Variants in CREBBP observed in about 807,000 individuals in gnomAD.
The protein encoded by CREBBP is CREB-binding protein.
In CREBBP, 19 loss-of-function variants were observed where a neutral mutation model predicts 265.0. The observed-to-expected ratio is 0.07, with a 90% CI of 0.05 to 0.11. The LOEUF is 0.11. Among genes scored for constraint, CREBBP ranks in the 10% least tolerant of loss-of-function variants. CREBBP has a pLI of 1.00. For synonymous variants in CREBBP, 1,457 were observed against 1,223.7 expected, an observed-to-expected ratio of 1.19 and a Z score of -3.98; for missense variants, 2,525 against 3,219.0, an observed-to-expected ratio of 0.78 and a Z score of 5.22.
At chr16:3,759,940 T>C (rs8051994) in intron 16 of CREBBP, among the ~76,000 whole-genome samples, 3,546 of 152,108 alleles carry the variant, frequency 0.023, 125 homozygotes, top group African/African-American at 0.078. Context: ...CTGTTCGGTG[T>C]GGGAGGCCGG....
chr16:3,726,930 G>GC lies in CREBBP; in HGVS notation c.*787dup, dbSNP rs1397268986. ...GAGTTTCGTATTTATAGGAATTAGAGCGCTTGCATGATTTACACTAGAATT... is the reference window on the plus strand; with the variant it reads ...GAGTTTCGTATTTATAGGAATTAGAGCCGCTTGCATGATTTACACTAGAATT... On this transcript the variant is annotated 3_prime_UTR_variant, in exon 31 of 31. Transcript: ENST00000262367. 1 of 233,488 alleles carries GC rather than the reference G, an allele frequency of 4.3e-6. No homozygotes were observed. Among genetic ancestry groups the GC allele is most frequent in the Non-Finnish European group, 8.5e-6 (1 of 118,022 alleles). 14.5% of individuals were successfully genotyped at this position (233,488 alleles called of 1,614,324 possible).
intron 17 of CREBBP, 146 bp downstream of exon 17, chr16:3,758,708 T>C (rs768361369): frequency 2.8e-6 from 2 of 723,620 alleles, no homozygotes; most frequent in East Asian, 2.7e-5. Flanking sequence ...CTTTCACTGA[T>C]AACTGTTAAC....
rs748049805 is a variant in CREBBP at position 3,767,729 on chromosome 16, G to A, written c.3241C>T (p.Arg1081Cys). The A allele has an allele frequency of 3.1e-6, 5 of 1,614,004 alleles. No homozygotes were observed. Among genetic ancestry groups the A allele is most frequent in the South Asian group, 1.1e-5 (1 of 91,080 alleles). The part of the protein sequence containing the change: ...ASQSTSPSQP[R>C]KKIFKPEELR... ...TGAATAAATGGCCTACTTTTTTTGC[G>A]CGGCTGCGAAGGAGATGTTGACTGA... Residue 1081 changes from arginine (R) to cysteine (C), a missense_variant, in exon 16 of 31, where the codon CGC becomes TGC. Physicochemically the swap from Arg to Cys is radical, Grantham distance 180. This residue lies in a region of CREBBP where 548 missense variants were observed against 533.0 expected (regional missense o/e 1.03). Coordinates refer to ENST00000262367, the MANE Select transcript of CREBBP (RefSeq NM_004380.3).
intron 11 of CREBBP, among the ~76,000 whole-genome samples, chr16:3,775,859 T>C (rs1596900637): frequency 6.6e-6 from 1 of 151,590 alleles, no homozygotes; most frequent in African/African-American, 2.4e-5. Context: ...CCTGGACCAA[T>C]CCCCAACACA....
chr16:3,871,553 T>C, intron 1 of CREBBP, among the ~76,000 whole-genome samples: 1 of 152,226 alleles, frequency 6.6e-6, no homozygotes. Context: ...CTCATTCAGT[T>C]TGTAATCAAA....
chr16:3,762,999 C>T (rs2052760095), intron 16 of CREBBP, among the ~76,000 whole-genome samples: 2 of 152,018 alleles, frequency 1.3e-5, no homozygotes, highest in South Asian at 2.1e-4. Flanking sequence ...TGGTCTCGAT[C>T]TCCCGACCTC....
chr16:3,879,980 G>T lies in CREBBP; in HGVS notation c.-64C>A. 2 of 1,503,236 alleles carry T rather than the reference G, an allele frequency of 1.3e-6. No homozygotes were observed. The highest frequency in any genetic ancestry group is 2.4e-5 in the East Asian group (1 of 40,898). The allele number at this position is 1,503,236 out of a possible 1,614,324, so 93.1% of individuals were successfully genotyped here. ...CCGGGCCGGCGAGGGCCCGGACGGG[G>T]GTCGGGGGCCCTGCCGGCTGCGAGG... is the stretch of plus-strand genomic sequence containing the variant. On this transcript the variant is annotated 5_prime_UTR_variant, in exon 1 of 31. Coordinates refer to ENST00000262367, the MANE Select transcript of CREBBP (RefSeq NM_004380.3).
At chr16:3,824,556 G>A (rs993984458) in intron 2 of CREBBP, among the ~76,000 whole-genome samples, 1 of 152,224 alleles carries the variant, frequency 6.6e-6, no homozygotes, top group Non-Finnish European at 1.5e-5. Context: ...AACATCGACA[G>A]ACAGGAACAA....
At chr16:3,828,081 T>C (rs1027539054) in intron 2 of CREBBP, among the ~76,000 whole-genome samples, 1 of 152,038 alleles carries the variant, frequency 6.6e-6, no homozygotes, top group African/African-American at 2.4e-5. Flanking sequence ...CCAGAAAAGC[T>C]GACTTCTTTT....
At chr16:3,762,395 G>C (rs143700749) in intron 16 of CREBBP, among the ~76,000 whole-genome samples, 1 of 125,966 alleles carries the variant, frequency 7.9e-6, no homozygotes, top group African/African-American at 3.1e-5. Context: ...ATGGAGTCTC[G>C]CGCTGTCACC....
At chr16:3,805,439 T>C (rs1017419131) in intron 3 of CREBBP, among the ~76,000 whole-genome samples, 2 of 152,232 alleles carry the variant, frequency 1.3e-5, no homozygotes, top group Non-Finnish European at 2.9e-5. Flanking sequence ...AGACAAGCAG[T>C]GATTTTACAA....
rs2052993006 is a variant in CREBBP, at chr16:3,770,980, C to T, written c.2470G>A (p.Val824Met). The T allele has an allele frequency of 1.2e-6, 2 of 1,613,396 alleles. No individual in the cohort carries two copies. The highest frequency in any genetic ancestry group is 1.7e-6 in the Non-Finnish European group (2 of 1,179,964). The part of the protein sequence containing the change: ...PAQTGVSQGQ[V>M]PGAALPNPLN... ...GGGTTAGGAAGAGCAGCACCAGGCA[C>T]CTGTCCCTACCAGAAATGGACAGAG... The change falls in exon 14 of 31, where the codon GTG (valine) becomes ATG (methionine). Residue 824 changes from valine to methionine, a missense_variant. Val to Met is a conservative substitution (Grantham distance 21). Transcript: ENST00000262367.
chr16:3,811,156 T>C (rs1416239935), intron 2 of CREBBP, among the ~76,000 whole-genome samples: 3 of 152,180 alleles, frequency 2.0e-5, no homozygotes, highest in Non-Finnish European at 4.4e-5. Context: ...AGGTATCTAG[T>C]TTCTGTTAGG....
chr16:3,837,264 T>C (rs962046082), intron 2 of CREBBP, among the ~76,000 whole-genome samples: 2 of 152,182 alleles, frequency 1.3e-5, no homozygotes, highest in African/African-American at 4.8e-5. Context: ...CTAGTGTGTG[T>C]GTGTCTGTGT....
intron 7 of CREBBP, 123 bp downstream of exon 7, chr16:3,781,081 T>C: frequency 2.8e-6 from 3 of 1,058,496 alleles, no homozygotes; most frequent in Non-Finnish European, 4.3e-6. Context: ...GAAAACAGCA[T>C]TCACCCCTCA....
intron 1 of CREBBP, among the ~76,000 whole-genome samples, chr16:3,858,463 G>A (rs894851869): frequency 1.3e-5 from 2 of 152,176 alleles, no homozygotes; most frequent in African/African-American, 2.4e-5. Context: ...GACACAATGC[G>A]TTAAAATTAT....
chr16:3,752,162 T>G (rs117847066), intron 19 of CREBBP, among the ~76,000 whole-genome samples: 1 of 152,296 alleles, frequency 6.6e-6, no homozygotes, highest in East Asian at 1.9e-4. Context: ...AGGCAAATGT[T>G]TTCAAGGAGT....
At chr16:3,789,567 G>A (rs557214177) in intron 5 of CREBBP, among the ~76,000 whole-genome samples, 176 of 152,240 alleles carry the variant, frequency 1.2e-3, no homozygotes, top group African/African-American at 4.0e-3. Flanking sequence ...TTAAGCCAAC[G>A]TAGGGTCAGA....
At chr16:3,852,500 G>T (rs949079300) in intron 1 of CREBBP, among the ~76,000 whole-genome samples, 1 of 152,080 alleles carries the variant, frequency 6.6e-6, no homozygotes, top group East Asian at 1.9e-4. Flanking sequence ...TAAAATACAA[G>T]AAGTAAACTA....
Sources: gnomAD v4.1 joint callset for allele counts (sites outside exome capture counted in the v4.1 genomes callset) on GRCh38, gnomAD v4.1.1 for gene constraint, gnomAD v4.1.1 regional missense constraint, MANE v1.5 for transcripts, NCBI Gene and HGNC (gene_info 2026-07-23, HGNC 2026-07-21) for gene names.